Variants in AHNAK observed in about 807,000 individuals in gnomAD.
AHNAK encodes the protein neuroblast differentiation-associated protein AHNAK.
In AHNAK, 23 loss-of-function variants were observed where a neutral mutation model predicts 37.8. That is an observed-to-expected ratio of 0.61 (90% CI 0.44 to 0.86). AHNAK has a LOEUF of 0.86. Ranked by LOEUF, AHNAK falls within the 40% of genes least tolerant of loss-of-function variation. AHNAK has a pLI of 0.00. For synonymous variants in AHNAK, 2,481 were observed against 2,636.3 expected (o/e 0.94, Z 1.80); for missense variants, 7,411 against 7,319.4 (o/e 1.01, Z -0.46).
rs1426929997 is a variant in AHNAK at position 62,527,420 on chromosome 11, A to G, written c.6997T>C (p.Ser2333Pro). The part of the protein sequence containing the change: ...GPKIKGDVDV[S>P]APKLEGELKG... ...AACTCTCCCTCCAGCTTTGGGGCAG[A>G]AACATCAACATCTCCTTTGATTTTG... The change falls in exon 5 of 5, where the codon TCT becomes CCT. Residue 2333 changes from serine to proline, a missense_variant. Physicochemically the swap from Ser to Pro is moderately conservative, Grantham distance 74 (BLOSUM62 -1). Transcript: ENST00000378024. The G allele has an allele frequency of 1.2e-6, 2 of 1,614,176 alleles. No individual in the cohort carries two copies. The highest frequency in any genetic ancestry group is 1.7e-6 in the Non-Finnish European group (2 of 1,180,026).
chr11:62,472,525 G>A (rs1274585347), intron 5 of AHNAK, among the ~76,000 whole-genome samples: 3 of 151,598 alleles, frequency 2.0e-5, no homozygotes, highest in Non-Finnish European at 2.9e-5. Flanking sequence ...CCTCCTTCCC[G>A]CCTCTCAGCC....
chr11:62,517,128 TGAAGAG>T lies in AHNAK; in HGVS notation c.17283_17288del (p.Ser5762_Ser5763del). 1 of 1,613,080 alleles carries T rather than the reference TGAAGAG, an allele frequency of 6.2e-7. No individual in the cohort carries two copies. The highest frequency in any genetic ancestry group is 8.5e-7 in the Non-Finnish European group (1 of 1,179,854). ...TAAATAAGGAGAATTTGCCTTTCGG[TGAAGAG>T]GCTTCGGCCTCTGCCTCTCCTTCCA... is the stretch of plus-strand genomic sequence containing the variant. On this transcript the variant is annotated inframe_deletion, in exon 5 of 5. Coordinates refer to ENST00000378024, the MANE Select transcript of AHNAK (RefSeq NM_001620.3).
chr11:62,440,604 G>T, intron 5 of AHNAK, among the ~76,000 whole-genome samples: 1 of 152,142 alleles, frequency 6.6e-6, no homozygotes, highest in Non-Finnish European at 1.5e-5. Context: ...CGCCTGTCAT[G>T]ATCACTTCTT....
intron 5 of AHNAK, among the ~76,000 whole-genome samples, chr11:62,469,360 G>A (rs1430479449): frequency 2.0e-5 from 3 of 152,122 alleles, no homozygotes; most frequent in Non-Finnish European, 2.9e-5. Flanking sequence ...GTCCTCAAGT[G>A]ATCCACCTGC....
rs780248514 is a variant in AHNAK at position 62,534,962 on chromosome 11, CG to C, written c.342+40del. ...AGTGGGGTCAGCAGGCCGGCATGGC[CG>C]GGGGAGCTCAGGGCACAGATGGGCC... On this transcript the variant is annotated intron_variant, in intron 4 of 4. Coordinates refer to ENST00000378024, the MANE Select transcript of AHNAK (RefSeq NM_001620.3). 15 of 1,582,402 alleles carry C rather than the reference CG, an allele frequency of 9.5e-6. No individual in the cohort carries two copies. In the South Asian group the frequency reaches 1.6e-4, roughly 17 times the overall value.
intron 5 of AHNAK, among the ~76,000 whole-genome samples, chr11:62,436,418 T>C (rs1480107244): frequency 1.3e-5 from 2 of 152,060 alleles, no homozygotes; most frequent in African/African-American, 4.8e-5. Flanking sequence ...CAAGTCTAAC[T>C]CCCACACTTA....
intron 5 of AHNAK, among the ~76,000 whole-genome samples, chr11:62,450,468 A>C (rs542724162): frequency 7.2e-5 from 11 of 152,232 alleles, no homozygotes; most frequent in African/African-American, 2.6e-4. Flanking sequence ...ACTGGGATTA[A>C]AGGTGTGAGC....
At chr11:62,484,820 G>A (rs775347366) in intron 5 of AHNAK, among the ~76,000 whole-genome samples, 5 of 152,102 alleles carry the variant, frequency 3.3e-5, no homozygotes, top group South Asian at 2.1e-4. Flanking sequence ...ACAGAGTTTC[G>A]CTCTTGTTGC....
intron 5 of AHNAK, among the ~76,000 whole-genome samples, chr11:62,487,686 T>C (rs1939420398): frequency 6.6e-6 from 1 of 152,244 alleles, no homozygotes; most frequent in South Asian, 2.1e-4. Flanking sequence ...AGTCCAGCAA[T>C]ACTTCTCTGA....
chr11:62,493,614 G>A (rs940554023), intron 4 of AHNAK, among the ~76,000 whole-genome samples: 2 of 150,908 alleles, frequency 1.3e-5, no homozygotes, highest in Admixed American at 6.6e-5. Context: ...GATTACAGGC[G>A]TGAGCCACCG....
intron 5 of AHNAK, among the ~76,000 whole-genome samples, chr11:62,458,988 C>T (rs1938726910): frequency 6.6e-6 from 1 of 152,108 alleles, no homozygotes; most frequent in South Asian, 2.1e-4. Context: ...GGATTGCCAC[C>T]TGTCTTGGTT....
chr11:62,518,708 A>G lies in AHNAK; in HGVS notation c.15709T>C (p.Ser5237Pro), dbSNP rs1940116698. 6.2e-7 allele frequency: 1 copy of G among 1,614,000 alleles called. No individual in the cohort carries two copies. Among genetic ancestry groups the G allele is most frequent in the Non-Finnish European group, 8.5e-7 (1 of 1,180,014 alleles). The stretch of plus-strand genomic sequence containing the variant: ...CCTGGGATGCCGATCTTGGGCATGG[A>G]AAACTTGGGGAACTTAATTTTTGCT... ...PEAKIKFPKF[S>P]MPKIGIPGVK... The change falls in exon 5 of 5, where the codon TCC (serine) becomes CCC (proline). Residue 5237 changes from serine to proline, a missense_variant. Transcript: ENST00000378024.
chr11:62,530,546 C>G lies in AHNAK; in HGVS notation c.3871G>C (p.Asp1291His), dbSNP rs140648787. The stretch of plus-strand genomic sequence containing the variant: ...AGGCTCACATCTGGGACTTCAACAT[C>G]CACCTTGGGTCCTGAGACATCAATG... ...ADIDVSGPKV[D>H]VEVPDVSLEG... Residue 1291 changes from aspartate (D) to histidine (H), a missense_variant, in exon 5 of 5, where the codon GAT becomes CAT. Coordinates refer to ENST00000378024, the MANE Select transcript of AHNAK (RefSeq NM_001620.3). 6.8e-6 allele frequency: 11 copies of G among 1,611,808 alleles called. No homozygotes were observed. Among genetic ancestry groups the G allele is most frequent in the Non-Finnish European group, 9.3e-6 (11 of 1,179,606 alleles).
rs1179737677 is a variant in AHNAK at position 62,516,855 on chromosome 11, G to A, written c.17562C>T (p.Ser5854=). The change falls in exon 5 of 5, where the codon TCC becomes TCT. Residue 5854 remains serine (S), a synonymous_variant. Coordinates refer to ENST00000378024, the MANE Select transcript of AHNAK (RefSeq NM_001620.3). ...ETGKLQGSGV[S]LASKKSRLSS... The stretch of plus-strand genomic sequence containing the variant: ...ACAGTCGGGACTTCTTAGAGGCCAG[G>A]GACACCCCACTCCCCTGTAACTTGC... The A allele has an allele frequency of 3.7e-6, 6 of 1,613,906 alleles. No homozygotes were observed. Among genetic ancestry groups the A allele is most frequent in the South Asian group, 3.3e-5 (3 of 91,068 alleles).
In AHNAK at chr11:62,528,774, C is replaced by T; in HGVS notation, c.5643G>A (p.Glu1881=). The T allele has an allele frequency of 6.2e-7, 1 of 1,610,040 alleles. No homozygotes were observed. Among genetic ancestry groups the T allele is most frequent in the South Asian group, 1.1e-5 (1 of 90,846 alleles). Residue 1881 remains glutamate, a synonymous_variant, in exon 5 of 5, where the codon GAG becomes GAA. Coordinates refer to ENST00000378024, the MANE Select transcript of AHNAK (RefSeq NM_001620.3). The part of the protein sequence containing the change: ...GDADVSVPKL[E]GDLTGPSVGV... ...CCACACTGGGGCCTGTTAAATCTCCCTCCAATTTTGGCACCGACACATCCG... is the reference window on the plus strand; with the variant it reads ...CCACACTGGGGCCTGTTAAATCTCCTTCCAATTTTGGCACCGACACATCCG...
At chr11:62,443,999 G>A (rs1938367915) in intron 5 of AHNAK, among the ~76,000 whole-genome samples, 1 of 152,158 alleles carries the variant, frequency 6.6e-6, no homozygotes. Context: ...GGAGCTGCGA[G>A]GGCAGCACTT....
Position 62,528,612 on chromosome 11 carries a change from T to C in AHNAK, c.5805A>G (p.Lys1935=). 1 of 1,610,348 alleles carries C rather than the reference T, an allele frequency of 6.2e-7. No individual in the cohort carries two copies. The highest frequency in any genetic ancestry group is 8.5e-7 in the Non-Finnish European group (1 of 1,179,192). The change falls in exon 5 of 5, where the codon AAA becomes AAG. Residue 1935 remains lysine, a synonymous_variant. Transcript: ENST00000378024. ...PDVDLHLKGP[K]VKGDVDVSVP... is the part of the protein sequence containing the mutation. Reference sequence around the variant, plus strand: ...CCGACACATCCACATCCCCTTTGACTTTGGGGCCTTTCAAGTGTAAGTCCA... The same window carrying C: ...CCGACACATCCACATCCCCTTTGACCTTGGGGCCTTTCAAGTGTAAGTCCA...
rs774664807 is a variant in AHNAK at position 62,516,684 on chromosome 11, C to T, written c.*60G>A. On this transcript the variant is annotated 3_prime_UTR_variant, in exon 5 of 5. Coordinates refer to ENST00000378024, the MANE Select transcript of AHNAK (RefSeq NM_001620.3). ...TCCCTTTGGAGTTTATATAGGAACA[C>T]ACCACCCAAGGCTGATGTTTTGTTA... The T allele has an allele frequency of 1.3e-6, 2 of 1,523,974 alleles. No individual in the cohort carries two copies. The highest frequency in any genetic ancestry group is 1.8e-6 in the Non-Finnish European group (2 of 1,141,110). The allele number at this position is 1,523,974 out of a possible 1,614,324, so 94.4% of individuals were successfully genotyped here.
chr11:62,516,765 T>G lies in AHNAK; in HGVS notation c.17652A>C (p.Ser5884=), dbSNP rs765066440. The part of the protein sequence containing the change: ...VGIQLPEVEL[S]VSTKKE The stretch of plus-strand genomic sequence containing the variant: ...CCTGCTACTCTTTCTTTGTGGAAAC[T>G]GACAGCTCCACCTCGGGAAGCTGGA... Residue 5884 remains serine (S), a synonymous_variant, in exon 5 of 5, where the codon TCA becomes TCC. Coordinates refer to ENST00000378024, the MANE Select transcript of AHNAK (RefSeq NM_001620.3). 1.9e-6 allele frequency: 3 copies of G among 1,612,008 alleles called. No individual in the cohort carries two copies. The Admixed American group carries it at 5.0e-5, about 27-fold the overall frequency.
Sources: gnomAD v4.1 joint callset for allele counts (sites outside exome capture counted in the v4.1 genomes callset) on GRCh38, gnomAD v4.1.1 for gene constraint, MANE v1.5 for transcripts, NCBI Gene and HGNC (gene_info 2026-07-23, HGNC 2026-07-21) for gene names.